CLPB: variants seen among roughly 807,000 people sequenced by gnomAD.
CLPB encodes the protein mitochondrial disaggregase.
Under a neutral mutation model 78.4 loss-of-function variants are expected in CLPB, and 40 were observed. The ratio of observed to expected loss-of-function variants is 0.51; its 90% CI spans 0.40 to 0.66. CLPB has a LOEUF of 0.66. Ranked by LOEUF, CLPB falls within the 30% of genes least tolerant of loss-of-function variation. The pLI, the probability that CLPB is intolerant of heterozygous loss-of-function variation, is 0.00. For missense variants in CLPB, 780 were observed against 886.9 expected (o/e 0.88, Z 1.53); for synonymous variants, 333 against 348.0 (o/e 0.96, Z 0.48).
chr11:72,370,098 A>G (rs947030751), intron 4 of CLPB, among the ~76,000 whole-genome samples: 1 of 152,166 alleles, frequency 6.6e-6, no homozygotes, highest in African/African-American at 2.4e-5. Context: ...TGCTATCCAT[A>G]TAAATGTCTC....
chr11:72,298,219 G>T (rs2135493020), intron 11 of CLPB, among the ~76,000 whole-genome samples: 1 of 152,218 alleles, frequency 6.6e-6, no homozygotes, highest in East Asian at 1.9e-4. Context: ...AGAGCAATAG[G>T]GTTCTTACTT....
At chr11:72,320,944 C>T (rs951739240) in intron 6 of CLPB, among the ~76,000 whole-genome samples, 3 of 152,130 alleles carry the variant, frequency 2.0e-5, no homozygotes, top group African/African-American at 7.2e-5. Flanking sequence ...AACTCCTGAC[C>T]TCAGGTGATC....
rs1359128174 is a variant in CLPB, at chr11:72,390,446, C to T, written c.543-10062G>A. Among the ~76,000 whole-genome samples, 7 of 88,470 alleles carry T rather than the reference C, an allele frequency of 7.9e-5. No homozygotes were observed. The East Asian group carries it at 1.4e-3, about 17-fold the overall frequency. 58.0% of individuals were successfully genotyped at this position (88,470 alleles called of 152,430 possible). On this transcript the variant is annotated intron_variant, in intron 3 of 15. Transcript: ENST00000538039. ...GAGTGAGACTGTCTCAAAAAAAAAA[C>T]GAAATAGAAAAAAAAAAAAAGAAAA...
intron 2 of CLPB, among the ~76,000 whole-genome samples, chr11:72,414,003 G>C (rs1408718492): frequency 6.6e-6 from 1 of 152,162 alleles, no homozygotes; most frequent in African/African-American, 2.4e-5. Context: ...AAGGTGCCAT[G>C]AGAGTACAGG....
chr11:72,297,636 G>GGTGT (rs67807556), intron 11 of CLPB, among the ~76,000 whole-genome samples: 2,154 of 93,320 alleles, frequency 0.023, 121 homozygotes, highest in Non-Finnish European at 0.031. Context: ...TTGGGGACCA[G>GGTGT]GTGTGTGTGT....
intron 3 of CLPB, among the ~76,000 whole-genome samples, chr11:72,384,931 T>A (rs908146212): frequency 6.6e-6 from 1 of 152,110 alleles, no homozygotes; most frequent in Non-Finnish European, 1.5e-5. Flanking sequence ...AAAGATAGAC[T>A]ATACTACAGA....
chr11:72,359,645 G>T (rs1405098074), intron 4 of CLPB, among the ~76,000 whole-genome samples: 1 of 152,058 alleles, frequency 6.6e-6, no homozygotes, highest in African/African-American at 2.4e-5. Flanking sequence ...ACAAAGAAAA[G>T]GAACCAATAT....
At chr11:72,322,488 C>CT in intron 6 of CLPB, among the ~76,000 whole-genome samples, 1 of 152,156 alleles carries the variant, frequency 6.6e-6, no homozygotes, top group Non-Finnish European at 1.5e-5. Flanking sequence ...CCGGCAATGA[C>CT]TGACTAAATT....
intron 3 of CLPB, among the ~76,000 whole-genome samples, chr11:72,383,475 G>C (rs908757031): frequency 6.7e-6 from 1 of 149,840 alleles, no homozygotes; most frequent in Admixed American, 6.6e-5. Context: ...AGCTTGCAGT[G>C]AGCCAAGATC....
chr11:72,295,977 A>G (rs1158181459), intron 11 of CLPB, among the ~76,000 whole-genome samples: 3 of 152,150 alleles, frequency 2.0e-5, no homozygotes, highest in African/African-American at 7.2e-5. Context: ...CAACCAACAC[A>G]TTTTTTGGAG....
Position 72,430,297 on chromosome 11 carries a change from T to G in CLPB, c.455+15A>C, listed in dbSNP as rs1565104418. 4 of 1,611,832 alleles carry G rather than the reference T, an allele frequency of 2.5e-6. No homozygotes were observed. Among genetic ancestry groups the G allele is most frequent in the Non-Finnish European group, 2.5e-6 (3 of 1,179,290 alleles). ...CTCTCCTGTAGGGGAGAGCAAGGCC[T>G]GGGGTTCAACTCACCTGCTGACTTC... On this transcript the variant is annotated intron_variant, in intron 2 of 15. Coordinates refer to ENST00000538039, the MANE Select transcript of CLPB (RefSeq NM_001258392.3).
At chr11:72,347,161 A>G (rs867050290) in intron 5 of CLPB, among the ~76,000 whole-genome samples, 26 of 152,284 alleles carry the variant, frequency 1.7e-4, no homozygotes, top group African/African-American at 5.8e-4. Context: ...AGCATCACAT[A>G]AAGATTGGTT....
intron 3 of CLPB, among the ~76,000 whole-genome samples, chr11:72,395,452 T>C (rs1366209957): frequency 1.3e-5 from 2 of 152,208 alleles, no homozygotes; most frequent in Admixed American, 6.5e-5. Flanking sequence ...CTCCTTCTTT[T>C]ACTAGCTGGA....
intron 4 of CLPB, among the ~76,000 whole-genome samples, chr11:72,363,156 A>G (rs1414779815): frequency 1.4e-5 from 2 of 146,928 alleles, no homozygotes; most frequent in African/African-American, 5.1e-5. Context: ...ACCCTGTCTC[A>G]AAAAAAAAAG....
intron 15 of CLPB, 128 bp downstream of exon 15, chr11:72,293,894 T>C: frequency 1.2e-6 from 1 of 824,570 alleles, no homozygotes; most frequent in African/African-American, 1.7e-5. Flanking sequence ...TGAATGGGCA[T>C]CCACTCTGGG....
intron 7 of CLPB, among the ~76,000 whole-genome samples, chr11:72,313,896 A>C (rs1223382172): frequency 6.6e-6 from 1 of 152,240 alleles, no homozygotes; most frequent in Non-Finnish European, 1.5e-5. Flanking sequence ...AGGGCAGGGC[A>C]GTCCAGCAAC....
intron 9 of CLPB, 175 bp from the exon 10 acceptor site, chr11:72,302,523 C>T (rs1949677270): frequency 1.6e-6 from 1 of 619,660 alleles, no homozygotes; most frequent in Admixed American, 2.5e-5. Context: ...TCTGTGCACT[C>T]ATTTCCTACG....
chr11:72,336,944 TCTC>T (rs1343564874), intron 5 of CLPB: 1 of 396,302 alleles, frequency 2.5e-6, no homozygotes, highest in Non-Finnish European at 4.4e-6. Flanking sequence ...GGCCCAGTTC[TCTC>T]CTCCTCCAGT....
At chr11:72,393,607 C>A (rs1198113466) in intron 3 of CLPB, among the ~76,000 whole-genome samples, 1 of 152,158 alleles carries the variant, frequency 6.6e-6, no homozygotes, top group Non-Finnish European at 1.5e-5. Context: ...TGGATGCTCC[C>A]CAAAGCAGGG....
Sources: allele counts gnomAD v4.1 joint callset (sites outside exome capture counted in the v4.1 genomes callset), GRCh38; gene constraint gnomAD v4.1.1; transcripts MANE v1.5; gene names NCBI Gene and HGNC (gene_info 2026-07-23, HGNC 2026-07-21).